KIRREL1: variants seen among roughly 807,000 people sequenced by gnomAD.
KIRREL1 encodes kin of IRRE-like protein 1.
In KIRREL1, 25 loss-of-function variants were observed where a neutral mutation model predicts 83.3. That is an observed-to-expected ratio of 0.30 (90% CI 0.22 to 0.42). The LOEUF is 0.42. KIRREL1 is among the 10% of genes least tolerant of loss of function. KIRREL1 has a pLI of 1.00. For missense variants in KIRREL1, 812 were observed against 1,032.3 expected (o/e 0.79, Z 2.92); for synonymous variants, 388 against 410.4 (o/e 0.95, Z 0.66).
At chr1:158,022,527 T>G (rs1660027392) in intron 1 of KIRREL1, among the ~76,000 whole-genome samples, 1 of 152,176 alleles carries the variant, frequency 6.6e-6, no homozygotes, top group South Asian at 2.1e-4. Flanking sequence ...AACACCCATA[T>G]TCTTTGACTT....
chr1:158,058,889 A>G (rs1387876070), intron 1 of KIRREL1, among the ~76,000 whole-genome samples: 1 of 152,128 alleles, frequency 6.6e-6, no homozygotes, highest in Non-Finnish European at 1.5e-5. Context: ...AGAACAGAAC[A>G]TAATACTGAG....
rs1406985486 is a variant in KIRREL1, at chr1:158,098,464, G to C, written c.*3344G>C. On this transcript the variant is annotated 3_prime_UTR_variant, in exon 15 of 15. Transcript: ENST00000359209. ...CTGCAGTCCAAGGTGCCTGGAGCCA[G>C]AGGTCGGGGAGTAAGCACAGCTGCC... 6.6e-6 allele frequency: 1 copy of C among 152,272 alleles called. No individual in the cohort carries two copies. The allele number at this position is 152,272 out of a possible 1,614,324, so 9.4% of individuals were successfully genotyped here.
Position 158,091,367 on chromosome 1 carries a change from T to C in KIRREL1, c.1282T>C (p.Trp428Arg). 6.2e-7 allele frequency: 1 copy of C among 1,613,932 alleles called. No homozygotes were observed. Among genetic ancestry groups the C allele is most frequent in the Non-Finnish European group, 8.5e-7 (1 of 1,179,940 alleles). ...TPPPDRIAWA[W>R]KENFLEVGTL... ...TCCCTCTCCACCACAGGCATGGGCCTGGAAGGAGAACTTCTTGGAGGTGGG... is the reference window on the plus strand; with the variant it reads ...TCCCTCTCCACCACAGGCATGGGCCCGGAAGGAGAACTTCTTGGAGGTGGG... Residue 428 changes from tryptophan to arginine, a missense_variant, in exon 11 of 15, where the codon TGG (tryptophan) becomes CGG (arginine). Around this residue, in one of 3 missense-constraint regions of KIRREL1, gnomAD observed 472 missense variants for 626.8 expected, o/e 0.75. Coordinates refer to ENST00000359209, the MANE Select transcript of KIRREL1 (RefSeq NM_018240.7).
chr1:158,094,978 C>G lies in KIRREL1; in HGVS notation c.2132C>G (p.Ala711Gly), dbSNP rs976198533. The change falls in exon 15 of 15, where the codon GCC (alanine) becomes GGC (glycine). Residue 711 changes from alanine to glycine, a missense_variant. Ala to Gly is a moderately conservative substitution (Grantham distance 60). This residue lies in a region of KIRREL1 where 334 missense variants were observed against 383.7 expected (regional missense o/e 0.87). Transcript: ENST00000359209. This position sits in a 1 kb window ranked among gnomAD's most constrained non-coding sequence, Gnocchi z 4.6. ...YPTYRLGYPQ[A>G]PPSGLERTPY... is the part of the protein sequence containing the mutation. Reference sequence around the variant, plus strand: ...ACCTACCGACTGGGCTACCCCCAGGCCCCACCCTCTGGCCTGGAGCGGACC... The same window carrying G: ...ACCTACCGACTGGGCTACCCCCAGGGCCCACCCTCTGGCCTGGAGCGGACC... 2 of 1,614,026 alleles carry G rather than the reference C, an allele frequency of 1.2e-6. No homozygotes were observed. The highest frequency in any genetic ancestry group is 1.7e-6 in the Non-Finnish European group (2 of 1,179,978).
chr1:158,047,756 C>A (rs1234055038), intron 1 of KIRREL1, among the ~76,000 whole-genome samples: 1 of 152,092 alleles, frequency 6.6e-6, no homozygotes, highest in Non-Finnish European at 1.5e-5. Context: ...GTTCATGAGT[C>A]CCTGGTCCAA....
In KIRREL1 at chr1:158,002,192, A is replaced by G. The variant is rs538465774; in HGVS notation, c.52+8464A>G. ...CTGAGAATACTTCAGTATAAGATAA[A>G]GATGCCTGGAGGCAGAGTTCAACGG... On this transcript the variant is annotated intron_variant, in intron 1 of 14. Coordinates refer to ENST00000359209, the MANE Select transcript of KIRREL1 (RefSeq NM_018240.7). Among the ~76,000 whole-genome samples, 4 of 152,274 alleles carry G rather than the reference A, an allele frequency of 2.6e-5. No individual in the cohort carries two copies. The South Asian group carries it at 8.3e-4, about 32-fold the overall frequency.
At chr1:158,027,141 A>G (rs1660196607) in intron 1 of KIRREL1, among the ~76,000 whole-genome samples, 1 of 152,232 alleles carries the variant, frequency 6.6e-6, no homozygotes, top group Non-Finnish European at 1.5e-5. Context: ...CTGGCTGGCT[A>G]CAAATTGGGG....
chr1:158,031,757 GGATA>G (rs1660332678), intron 1 of KIRREL1, among the ~76,000 whole-genome samples: 1 of 152,174 alleles, frequency 6.6e-6, no homozygotes, highest in African/African-American at 2.4e-5. Flanking sequence ...TTGCTTGGAG[GGATA>G]GATAAAGAAG....
intron 1 of KIRREL1, among the ~76,000 whole-genome samples, chr1:158,010,396 T>TGC (rs1659648146): frequency 2.2e-5 from 1 of 44,586 alleles, no homozygotes; most frequent in Non-Finnish European, 4.0e-5. Flanking sequence ...CACACATGCA[T>TGC]ACACACACAC....
At chr1:158,093,585 C>A in intron 12 of KIRREL1, 38 bp from the exon 13 acceptor site, 1 of 1,613,314 alleles carries the variant, frequency 6.2e-7, no homozygotes, top group Non-Finnish European at 8.5e-7. Flanking sequence ...CAGAGACCAG[C>A]AGGAAGCACT....
intron 8 of KIRREL1, 94 bp downstream of exon 8, chr1:158,088,548 G>C: frequency 9.1e-7 from 1 of 1,101,028 alleles, no homozygotes; most frequent in Non-Finnish European, 1.2e-6. Context: ...GCAGTGGCGC[G>C]ATCTCGGCTC....
At chr1:158,056,535 AAG>A (rs1467701709) in intron 1 of KIRREL1, among the ~76,000 whole-genome samples, 1 of 152,100 alleles carries the variant, frequency 6.6e-6, no homozygotes, top group African/African-American at 2.4e-5. Flanking sequence ...GCTTAGGAAA[AAG>A]AGGAGCACCC....
At chr1:158,049,062 C>G (rs1017986368) in intron 1 of KIRREL1, among the ~76,000 whole-genome samples, 1 of 152,144 alleles carries the variant, frequency 6.6e-6, no homozygotes, top group Non-Finnish European at 1.5e-5. Context: ...GAAAAACTTG[C>G]ATTTGCAAGT....
At chr1:158,066,881 A>G (rs73024636) in intron 1 of KIRREL1, among the ~76,000 whole-genome samples, 3,672 of 152,144 alleles carry the variant, frequency 0.024, 152 homozygotes, top group African/African-American at 0.083. Context: ...CTTGCCCACT[A>G]AAGCCAGATT....
chr1:158,057,229 T>G (rs1661090640), intron 1 of KIRREL1, among the ~76,000 whole-genome samples: 1 of 152,046 alleles, frequency 6.6e-6, no homozygotes, highest in Non-Finnish European at 1.5e-5. Flanking sequence ...TATTTGGGGT[T>G]TGGGGACACG....
At chr1:158,017,657 A>C (rs936507122) in intron 1 of KIRREL1, among the ~76,000 whole-genome samples, 1 of 152,026 alleles carries the variant, frequency 6.6e-6, no homozygotes, top group African/African-American at 2.4e-5. Flanking sequence ...GCGCTACTGC[A>C]CTCCAGACTG....
At chr1:157,999,626 C>T (rs909256363) in intron 1 of KIRREL1, among the ~76,000 whole-genome samples, 2 of 151,972 alleles carry the variant, frequency 1.3e-5, no homozygotes, top group African/African-American at 4.8e-5. Context: ...AAAGTTATGC[C>T]CCTTCCCGAC....
intron 1 of KIRREL1, among the ~76,000 whole-genome samples, chr1:157,994,794 C>T (rs1410085741): frequency 6.6e-6 from 1 of 152,092 alleles, no homozygotes; most frequent in Non-Finnish European, 1.5e-5. Context: ...AGAGAGACAT[C>T]CCCACAAACA....
In KIRREL1 at chr1:158,071,858, G is replaced by A. The variant is rs73024643; in HGVS notation, c.53-4255G>A. Among the ~76,000 whole-genome samples, 366 of 152,150 alleles carry A rather than the reference G, an allele frequency of 2.4e-3. 1 individual carries two copies. The highest frequency in any genetic ancestry group is 8.2e-3 in the African/African-American group (338 of 41,462). ...AATGTGTGCCTAGGACACTTGCTAG[G>A]CCACTTGTCCTGGGTTTTTAGTGGC... On this transcript the variant is annotated intron_variant, in intron 1 of 14. Transcript: ENST00000359209.
Sources: gnomAD v4.1 joint callset for allele counts (sites outside exome capture counted in the v4.1 genomes callset) on GRCh38, gnomAD v4.1.1 for gene constraint, gnomAD v4.1.1 regional missense constraint, Gnocchi (gnomAD v3.1) non-coding constraint, MANE v1.5 for transcripts, NCBI Gene and HGNC (gene_info 2026-07-23, HGNC 2026-07-21) for gene names.